SCNN1D: variants seen among roughly 807,000 people sequenced by gnomAD.
The protein encoded by SCNN1D is epithelial sodium channel subunit delta.
A neutral mutation model predicts 87.8 loss-of-function variants in SCNN1D; 104 were observed. The observed-to-expected ratio is 1.18, with a 90% CI of 1.01 to 1.39. SCNN1D has a LOEUF of 1.39. Among genes scored for constraint, SCNN1D ranks in the 40% most tolerant of loss-of-function variants. The probability of loss-of-function intolerance (pLI) is 0.00; values close to 1 mark genes in which losing one functional copy is unlikely to be tolerated. For synonymous variants in SCNN1D, 628 were observed against 481.2 expected (o/e 1.31, Z -3.99); for missense variants, 1,324 against 1,093.9 (o/e 1.21, Z -2.97).
intron 12 of SCNN1D, among the ~76,000 whole-genome samples, chr1:1,288,295 CCGTGT>C (rs1557584466): frequency 1.3e-4 from 11 of 83,130 alleles, no homozygotes; most frequent in East Asian, 1.3e-3. Context: ...CTGCTCCGTC[CCGTGT>C]CTGCTCCGTC....
chr1:1,290,659 A>G lies in SCNN1D; in HGVS notation c.1882A>G (p.Thr628Ala), dbSNP rs764971214. 3 of 1,612,636 alleles carry G rather than the reference A, an allele frequency of 1.9e-6. No homozygotes were observed. Among genetic ancestry groups the G allele is most frequent in the Non-Finnish European group, 1.7e-6 (2 of 1,179,918 alleles). ...PCRESAFKLS[T>A]GTSRWPSAKS... is the part of the protein sequence containing the mutation. ...CAGGGAGTCTGCATTCAAGCTCTCC[A>G]CTGGGACCTCCAGGTGGCCTTCCGC... Residue 628 changes from threonine (T) to alanine (A), a missense_variant, in exon 15 of 18, where the codon ACT becomes GCT. Thr to Ala is a moderately conservative substitution (Grantham distance 58). Coordinates refer to ENST00000379116, the MANE Select transcript of SCNN1D (RefSeq NM_001130413.4).
chr1:1,281,642 C>G, intron 3 of SCNN1D, 32 bp downstream of exon 3: 1 of 1,522,422 alleles, frequency 6.6e-7, no homozygotes, highest in Non-Finnish European at 8.8e-7. Context: ...GAGGCCTTGC[C>G]CGGGAGGAGG....
rs140043159 is a variant in SCNN1D at position 1,291,731 on chromosome 1, TG to T, written c.*125del. 7,567 of 683,214 alleles carry T rather than the reference TG, an allele frequency of 0.011. 450 individuals are homozygous for T. In the African/African-American group the frequency reaches 0.13, roughly 11 times the overall value. The allele number at this position is 683,214 out of a possible 1,614,324, so 42.3% of individuals were successfully genotyped here. A position where few individuals can be genotyped will look rare whatever the true frequency, so the allele number is the denominator to read the frequency against. On this transcript the variant is annotated 3_prime_UTR_variant, in exon 18 of 18. Transcript: ENST00000379116. ...GCCCAGGAAGCAGCACACGCGGCCG[TG>T]GGGAGGCAGGCACCGGGCATGTCGG...
chr1:1,280,525 T>G lies in SCNN1D; in HGVS notation c.-137T>G. 1.6e-6 allele frequency: 1 copy of G among 632,744 alleles called. No homozygotes were observed. Among genetic ancestry groups the G allele is most frequent in the Non-Finnish European group, 2.9e-6 (1 of 342,420 alleles). 39.2% of individuals were successfully genotyped at this position (632,744 alleles called of 1,614,324 possible). On this transcript the variant is annotated 5_prime_UTR_variant, in exon 1 of 18. Coordinates refer to ENST00000379116, the MANE Select transcript of SCNN1D (RefSeq NM_001130413.4). ...GGAATGTCTGGTTACAGTATGGCGT[T>G]GTGCAGATGAAGGTCTTATCGCAGA...
In SCNN1D at chr1:1,282,308, G is replaced by C; in HGVS notation, c.344G>C (p.Ser115Thr). 6.5e-7 allele frequency: 1 copy of C among 1,550,156 alleles called. No individual in the cohort carries two copies. The highest frequency in any genetic ancestry group is 1.2e-5 in the South Asian group (1 of 84,056). ...CCGGTGGCAGCTGCTTCCTTCCAGA[G>C]CCGGCAGGCAGGTGACCTCACCCTC... ...TSPVAAASFQ[S>T]RQEARGSILL... Residue 115 changes from serine to threonine, a missense_variant, in exon 4 of 18, where the codon AGC becomes ACC. Transcript: ENST00000379116.
In SCNN1D at chr1:1,280,874, C is replaced by G. The variant is rs1465952487; in HGVS notation, c.5+208C>G. 2.2e-5 allele frequency: 13 copies of G among 589,494 alleles called. No homozygotes were observed. The East Asian group carries it at 3.6e-4, about 16-fold the overall frequency. 36.5% of individuals were successfully genotyped at this position (589,494 alleles called of 1,614,324 possible). Reference sequence around the variant, plus strand: ...AGACCCCAAGCTCCACACTCCCACCCTCAGCACCCACCCAGGCCAGCAGCC... The same window carrying G: ...AGACCCCAAGCTCCACACTCCCACCGTCAGCACCCACCCAGGCCAGCAGCC... On this transcript the variant is annotated intron_variant, in intron 1 of 17. Transcript: ENST00000379116.
Position 1,287,854 on chromosome 1 carries a change from G to A in SCNN1D, c.1563+18G>A. 1 of 1,523,822 alleles carries A rather than the reference G, an allele frequency of 6.6e-7. No individual in the cohort carries two copies. The highest frequency in any genetic ancestry group is 8.9e-7 in the Non-Finnish European group (1 of 1,129,036). The allele number at this position is 1,523,822 out of a possible 1,614,324, so 94.4% of individuals were successfully genotyped here. On this transcript the variant is annotated intron_variant, in intron 11 of 17. Transcript: ENST00000379116. ...TCCGAGAGGTGAGCTGGCCTCTGCA[G>A]CCAACCTCCGGCCCAGGCCTCCTGC...
intron 12 of SCNN1D, among the ~76,000 whole-genome samples, 167 bp downstream of exon 12, chr1:1,288,204 T>TGTGTCTCTGCCCCGTCCC (rs1640653561): frequency 1.0e-4 from 14 of 140,082 alleles, no homozygotes; most frequent in African/African-American, 3.6e-4. Flanking sequence ...CTCCATTCCC[T>TGTGTCTCTGCCCCGTCCC]GTGTCTCTGC....
intron 12 of SCNN1D, among the ~76,000 whole-genome samples, chr1:1,288,428 CCTGCTCCGTCCCGTGTCT>C (rs1640679031): frequency 4.4e-4 from 2 of 4,552 alleles, no homozygotes; most frequent in Non-Finnish European, 3.3e-4. Context: ...GTCCCGTGTC[CCTGCTCCGTCCCGTGTCT>C]CTGCTCCGTC....
In SCNN1D at chr1:1,291,319, C is replaced by CCTCCTGGAG. The variant is rs754760975; in HGVS notation, c.2130_2138dup (p.Glu712_Leu714dup). The CCTCCTGGAG allele has an allele frequency of 6.3e-7, 1 of 1,595,834 alleles. No individual in the cohort carries two copies. On this transcript the variant is annotated inframe_insertion, in exon 18 of 18. Coordinates refer to ENST00000379116, the MANE Select transcript of SCNN1D (RefSeq NM_001130413.4). ...TGTGGTTTGGGGCCTCCGTCCTCTC[C>CCTCCTGGAG]CTCCTGGAGCTCCTGGAGCTGCTGC...
Position 1,288,033 on chromosome 1 carries a change from G to A in SCNN1D, c.1658G>A (p.Arg553Lys), listed in dbSNP as rs749476110. The A allele has an allele frequency of 1.4e-5, 21 of 1,534,598 alleles. No individual in the cohort carries two copies. Among genetic ancestry groups the A allele is most frequent in the Admixed American group, 2.0e-5 (1 of 49,848 alleles). Residue 553 changes from arginine to lysine, a missense_variant, in exon 12 of 18, where the codon AGG becomes AAG. Coordinates refer to ENST00000379116, the MANE Select transcript of SCNN1D (RefSeq NM_001130413.4). ...CTGCTACACAACACCTCCTACACCA[G>A]GCAGGTGAGGCTGGGCTGGCAGGGG... The part of the protein sequence containing the change: ...VELLHNTSYT[R>K]QACLVSCFQQ...
At position 1,290,260 on chromosome 1, in the gene SCNN1D, C is replaced by T. The variant is rs371170047; in HGVS notation, c.1663-11C>T. ...CCATCCCATGTCCCTGCTCATCCCC[C>T]CTGTCCCCAGGCCTGCCTGGTGTCC... On this transcript the variant is annotated splice_polypyrimidine_tract_variant and intron_variant, in intron 12 of 17. Coordinates refer to ENST00000379116, the MANE Select transcript of SCNN1D (RefSeq NM_001130413.4). The T allele has an allele frequency of 3.2e-4, 489 of 1,544,880 alleles. 11 individuals are homozygous for T. Among genetic ancestry groups the T allele is most frequent in the Middle Eastern group, 2.4e-3 (14 of 5,724 alleles).
rs529250968 is a variant in SCNN1D at position 1,290,401 on chromosome 1, C to G, written c.1780+13C>G. ...CACCCTGCCTGGGGTGAGTCCTGCT[C>G]GCTGCCTCCCACTCTGTCAGCCATT... On this transcript the variant is annotated intron_variant, in intron 13 of 17. Coordinates refer to ENST00000379116, the MANE Select transcript of SCNN1D (RefSeq NM_001130413.4). The G allele has an allele frequency of 1.0e-5, 16 of 1,607,152 alleles. No homozygotes were observed. Among genetic ancestry groups the G allele is most frequent in the Middle Eastern group, 1.7e-4 (1 of 6,052 alleles).
chr1:1,287,860 C>T (rs952459487), intron 11 of SCNN1D, 24 bp downstream of exon 11: 1 of 1,520,762 alleles, frequency 6.6e-7, no homozygotes, highest in Admixed American at 2.0e-5. Context: ...TGCAGCCAAC[C>T]TCCGGCCCAG....
Position 1,291,594 on chromosome 1 carries a change from A to G in SCNN1D, c.2393A>G (p.Glu798Gly), listed in dbSNP as rs199908861. 255 of 1,542,846 alleles carry G rather than the reference A, an allele frequency of 1.7e-4. No homozygotes were observed. Among genetic ancestry groups the G allele is most frequent in the Non-Finnish European group, 2.1e-4 (239 of 1,142,266 alleles). The change falls in exon 18 of 18, where the codon GAG becomes GGG. Residue 798 changes from glutamate to glycine, a missense_variant. By Grantham distance (98) the Glu-to-Gly change is moderately conservative (BLOSUM62 -2). Coordinates refer to ENST00000379116, the MANE Select transcript of SCNN1D (RefSeq NM_001130413.4). ...AGCTGGGCTGGGCCCCAGCCCCTTG[A>G]GACTCTGGACACCTGAACCAGACCT... ...EESWAGPQPL[E>G]TLDT
chr1:1,288,206 T>TCTCTGCTCCGTCCCCCGA (rs1640654402), intron 12 of SCNN1D, among the ~76,000 whole-genome samples, 169 bp downstream of exon 12: 11 of 146,888 alleles, frequency 7.5e-5, no homozygotes, highest in African/African-American at 2.7e-4. Context: ...CCATTCCCTG[T>TCTCTGCTCCGTCCCCCGA]GTCTCTGCTC....
chr1:1,286,208 A>T lies in SCNN1D; in HGVS notation c.841A>T (p.Met281Leu). The T allele has an allele frequency of 6.2e-7, 1 of 1,600,672 alleles. No homozygotes were observed. Among genetic ancestry groups the T allele is most frequent in the Non-Finnish European group, 8.5e-7 (1 of 1,177,924 alleles). Residue 281 changes from methionine (M) to leucine (L), a missense_variant, in exon 7 of 18, where the codon ATG becomes TTG. Transcript: ENST00000379116. ...FERHWHRPVL[M>L]AVSVHSERKL... is the part of the protein sequence containing the mutation. ...GCGTCACTGGCACCGCCCGGTCCTC[A>T]TGGCCGTCTCTGTGCACTCGGAGCG...
chr1:1,291,529 G>C lies in SCNN1D; in HGVS notation c.2328G>C (p.Val776=), dbSNP rs773771767. Residue 776 remains valine, a synonymous_variant, in exon 18 of 18, where the codon GTG becomes GTC. Transcript: ENST00000379116. ...CCAGCGGGCCTCATCTCCCACGGGT[G>C]ATGCTTCCAGGGGTTCTGGCGGGAG... ...PEPSGPHLPR[V]MLPGVLAGVS... The C allele has an allele frequency of 1.9e-6, 3 of 1,605,856 alleles. No individual in the cohort carries two copies. Among genetic ancestry groups the C allele is most frequent in the Non-Finnish European group, 1.7e-6 (2 of 1,175,288 alleles).
In SCNN1D at chr1:1,286,785, G is replaced by A. The variant is rs374378936; in HGVS notation, c.929G>A (p.Arg310His). ...CGTCCCAGGCCGAGTCCGGTCCTCC[G>A]CCATCTGGAGCTGCTGGACGAGTTT... ...GNPRRPSPVL[R>H]HLELLDEFAR... The change falls in exon 8 of 18, where the codon CGC becomes CAC. Residue 310 changes from arginine to histidine, a missense_variant. Arg to His is a conservative substitution (Grantham distance 29). Transcript: ENST00000379116. The A allele has an allele frequency of 8.6e-5, 138 of 1,612,496 alleles. No homozygotes were observed. The highest frequency in any genetic ancestry group is 1.0e-4 in the Non-Finnish European group (119 of 1,179,908).
Sources: gnomAD v4.1 joint callset for allele counts (sites outside exome capture counted in the v4.1 genomes callset) on GRCh38, gnomAD v4.1.1 for gene constraint, MANE v1.5 for transcripts, NCBI Gene and HGNC (gene_info 2026-07-23, HGNC 2026-07-21) for gene names.